LRRC37A2: variants seen among roughly 807,000 people sequenced by gnomAD.
LRRC37A2 encodes the protein leucine rich repeat containing 37 member A2.
In LRRC37A2, 9 loss-of-function variants were observed where a neutral mutation model predicts 68.8. That is an observed-to-expected ratio of 0.13 (90% CI 0.08 to 0.23). LRRC37A2 has a LOEUF of 0.23. LRRC37A2 is among the 10% of genes least tolerant of loss of function. The pLI is 1.00. For missense variants in LRRC37A2, 168 were observed against 950.4 expected, an observed-to-expected ratio of 0.18 and a Z score of 10.82; for synonymous variants, 63 against 367.6, an observed-to-expected ratio of 0.17 and a Z score of 9.48.
the LRRC37A2 span, chr17:46,409,258 A>G: frequency 2.5e-6 from 1 of 401,920 alleles, no homozygotes; most frequent in Non-Finnish European, 4.5e-6. Flanking sequence ...ATATCTAAGT[A>G]TTATATAAGG....
chr17:46,791,787 C>T, the LRRC37A2 span, among the ~76,000 whole-genome samples: 1 of 151,558 alleles, frequency 6.6e-6, no homozygotes, highest in Non-Finnish European at 1.5e-5. Flanking sequence ...TGCCTATAAT[C>T]ACAGCACTTC....
chr17:46,938,564 ATGTT>A, the LRRC37A2 span: 2 of 1,613,110 alleles, frequency 1.2e-6, no homozygotes, highest in Non-Finnish European at 1.7e-6. Context: ...AAGCGACTTG[ATGTT>A]TGTTTTTTTT....
chr17:46,709,031 G>T, the LRRC37A2 span, among the ~76,000 whole-genome samples: 1,285 of 151,036 alleles, frequency 8.5e-3, 4 homozygotes, highest in Non-Finnish European at 0.014. Context: ...CACTTTGTTG[G>T]CCAGGATGGT....
chr17:46,823,146 A>T, the LRRC37A2 span, among the ~76,000 whole-genome samples: 1 of 129,612 alleles, frequency 7.7e-6, no homozygotes, highest in Non-Finnish European at 1.6e-5. Flanking sequence ...ATTATATTAT[A>T]TATATTTATA....
the LRRC37A2 span, among the ~76,000 whole-genome samples, chr17:46,501,841 C>T: frequency 6.6e-6 from 1 of 151,222 alleles, no homozygotes; most frequent in Middle Eastern, 3.2e-3. Context: ...TTGAATTAAC[C>T]TTGATCAAAT....
chr17:46,735,839 G>A, the LRRC37A2 span, among the ~76,000 whole-genome samples: 2 of 152,120 alleles, frequency 1.3e-5, no homozygotes, highest in Admixed American at 6.5e-5. Flanking sequence ...CAGCGACTCG[G>A]GAAGCTGAGG....
the LRRC37A2 span, among the ~76,000 whole-genome samples, chr17:46,760,032 C>G: frequency 2.0e-5 from 3 of 152,264 alleles, no homozygotes; most frequent in Admixed American, 1.3e-4. Context: ...CTTTGGGAGG[C>G]TGAAGTGGGA....
chr17:46,883,104 G>A, the LRRC37A2 span, among the ~76,000 whole-genome samples: 29 of 151,622 alleles, frequency 1.9e-4, no homozygotes, highest in African/African-American at 5.3e-4. Context: ...TCAGCCTCCC[G>A]AGTAGCTGGG....
chr17:46,873,456 G>A, the LRRC37A2 span, among the ~76,000 whole-genome samples: 1 of 152,156 alleles, frequency 6.6e-6, no homozygotes. Context: ...CTTGCCAAGG[G>A]GAAAGGGCTT....
chr17:47,018,551 C>T, the LRRC37A2 span: 8 of 1,520,346 alleles, frequency 5.3e-6, no homozygotes, highest in South Asian at 2.2e-5. Flanking sequence ...AACCTCCCAC[C>T]ATCCAGCACG....
At chr17:46,929,051 T>G in the LRRC37A2 span, among the ~76,000 whole-genome samples, 1 of 152,096 alleles carries the variant, frequency 6.6e-6, no homozygotes, top group African/African-American at 2.4e-5. Flanking sequence ...CATTCCTCAT[T>G]ATGTTGTTTC....
chr17:46,836,282 G>A, the LRRC37A2 span, among the ~76,000 whole-genome samples: 1 of 152,150 alleles, frequency 6.6e-6, no homozygotes. Flanking sequence ...GGCTCCCAGG[G>A]AAATCCAGGG....
the LRRC37A2 span, among the ~76,000 whole-genome samples, chr17:47,026,013 G>C: frequency 4.3e-5 from 6 of 138,068 alleles, no homozygotes; most frequent in Non-Finnish European, 7.7e-5. Flanking sequence ...ACCTGTTTAT[G>C]CTCAGAAGAA....
chr17:46,829,109 C>G, the LRRC37A2 span, among the ~76,000 whole-genome samples: 1 of 152,176 alleles, frequency 6.6e-6, no homozygotes, highest in Non-Finnish European at 1.5e-5. Context: ...TTTCAATATA[C>G]TGGAAGCTAC....
chr17:46,850,061 G>T, the LRRC37A2 span, among the ~76,000 whole-genome samples: 2 of 152,120 alleles, frequency 1.3e-5, no homozygotes, highest in South Asian at 2.1e-4. Flanking sequence ...TGTTGGCCAG[G>T]CTGGTCTCGA....
the LRRC37A2 span, chr17:46,875,298 G>C: frequency 6.2e-7 from 1 of 1,613,952 alleles, no homozygotes; most frequent in South Asian, 1.1e-5. Flanking sequence ...CAACTTCCTG[G>C]GGTCCAAGAG....
the LRRC37A2 span, among the ~76,000 whole-genome samples, chr17:46,825,383 C>G: frequency 1.3e-5 from 2 of 152,364 alleles, no homozygotes; most frequent in East Asian, 3.9e-4. Context: ...ACGATGGGCC[C>G]CCACCTTCCG....
the LRRC37A2 span, among the ~76,000 whole-genome samples, chr17:46,969,264 G>A: frequency 6.6e-6 from 1 of 152,216 alleles, no homozygotes; most frequent in Non-Finnish European, 1.5e-5. Flanking sequence ...CCCTTCTGGA[G>A]AGGACTGAAG....
At chr17:46,673,911 G>GATA in the LRRC37A2 span, among the ~76,000 whole-genome samples, 34 of 5,422 alleles carry the variant, frequency 6.3e-3, no homozygotes, top group East Asian at 0.035. Flanking sequence ...TTCCATGGGG[G>GATA]TGTGTGTGTG....
Sources: allele counts gnomAD v4.1 joint callset (sites outside exome capture counted in the v4.1 genomes callset), GRCh38; gene constraint gnomAD v4.1.1; transcripts MANE v1.5; gene names NCBI Gene and HGNC (gene_info 2026-07-23, HGNC 2026-07-21).